ASPSCR1: variants seen among roughly 807,000 people sequenced by gnomAD.
The protein encoded by ASPSCR1 is tether containing UBX domain for GLUT4.
ASPSCR1 carries 55 observed loss-of-function variants against 68.9 expected under a neutral mutation model. The observed-to-expected ratio is 0.80, with a 90% CI of 0.64 to 1.00. The LOEUF is 1.00. ASPSCR1 is among the 50% of genes least tolerant of loss of function. ASPSCR1 has a pLI of 0.00. For missense variants in ASPSCR1, 765 were observed against 762.2 expected (o/e 1.00, Z -0.04); for synonymous variants, 352 against 332.6 (o/e 1.06, Z -0.63).
At chr17:82,010,735 G>A in intron 9 of ASPSCR1, 67 bp from the exon 10 acceptor site, 2 of 1,532,160 alleles carry the variant, frequency 1.3e-6, no homozygotes, top group East Asian at 2.3e-5. Flanking sequence ...GCCGAGTGGG[G>A]AGGCCACGCC....
At chr17:82,010,108 G>A in intron 9 of ASPSCR1, 1 of 304,892 alleles carries the variant, frequency 3.3e-6, no homozygotes, top group South Asian at 2.3e-5. Flanking sequence ...TTTTACTAGA[G>A]ATGGAGTTTT....
intron 12 of ASPSCR1, chr17:82,015,297 C>T (rs2043085255): frequency 6.3e-7 from 1 of 1,598,104 alleles, no homozygotes; most frequent in Admixed American, 1.7e-5. Context: ...ATCCCCTCGT[C>T]CGAGCAGTGG....
rs1282271833 is a variant in ASPSCR1, at chr17:81,996,400, T to C, written c.507-20T>C. 3.8e-6 allele frequency: 6 copies of C among 1,562,810 alleles called. No individual in the cohort carries two copies. Among genetic ancestry groups the C allele is most frequent in the Non-Finnish European group, 5.2e-6 (6 of 1,150,408 alleles). On this transcript the variant is annotated intron_variant, in intron 6 of 15. Transcript: ENST00000306739. ...GGTAGGCACCACAAGGTGCTTCCCT[T>C]GTCCTCTGGCCCCACTCAGGTTTGT...
chr17:81,996,155 G>A, intron 6 of ASPSCR1, 90 bp downstream of exon 6: 1 of 1,418,610 alleles, frequency 7.0e-7, no homozygotes, highest in Admixed American at 2.5e-5. Context: ...GTGGCAAGTG[G>A]GGAGTAGGTG....
chr17:82,007,399 C>G (rs374410137), intron 7 of ASPSCR1: 1 of 152,278 alleles, frequency 6.6e-6, no homozygotes, highest in Non-Finnish European at 1.5e-5. Flanking sequence ...CCCCTAGCAG[C>G]GTGATGCTGA....
At chr17:81,985,002 A>AC (rs1392867164) in intron 3 of ASPSCR1, among the ~76,000 whole-genome samples, 3 of 52,918 alleles carry the variant, frequency 5.7e-5, no homozygotes, top group Admixed American at 2.4e-4. Context: ...ACACCCCCCC[A>AC]CACACCTGCA....
chr17:82,011,878 C>A (rs1182046990), intron 11 of ASPSCR1, among the ~76,000 whole-genome samples: 1 of 152,118 alleles, frequency 6.6e-6, no homozygotes, highest in Non-Finnish European at 1.5e-5. Context: ...AGCCTGGTCC[C>A]CACCCCTGGG....
intron 12 of ASPSCR1, chr17:82,015,519 G>A (rs759985029): frequency 3.5e-4 from 332 of 936,146 alleles, no homozygotes; most frequent in Non-Finnish European, 4.0e-4. Flanking sequence ...GTCCTGGCCT[G>A]TGGGGGCTAT....
rs2041864286 is a variant in ASPSCR1 at position 81,983,502 on chromosome 17, A to ATGGCG, written c.159-52_159-51insTGGCG. Reference sequence around the variant, plus strand: ...ACGGGGATGGCGGGGCGTGGATGGCAGGGCGTGTCAGGCTCTGCAGGGCAG... The same window carrying ATGGCG: ...ACGGGGATGGCGGGGCGTGGATGGCATGGCGGGGCGTGTCAGGCTCTGCAGGGCAG... On this transcript the variant is annotated intron_variant, in intron 2 of 15. Coordinates refer to ENST00000306739, the MANE Select transcript of ASPSCR1 (RefSeq NM_024083.4). The surrounding 1 kb of genome is among the most constrained non-coding windows in gnomAD (Gnocchi z 4.4). 13 of 1,299,014 alleles carry ATGGCG rather than the reference A, an allele frequency of 1.0e-5. No homozygotes were observed. The highest frequency in any genetic ancestry group is 2.0e-4 in the Middle Eastern group (1 of 5,114). 80.5% of individuals were successfully genotyped at this position (1,299,014 alleles called of 1,614,324 possible). A position where few individuals can be genotyped will look rare whatever the true frequency, so the allele number is the denominator to read the frequency against.
Position 81,985,545 on chromosome 17 carries a change from GCAGGACTCTTTCTGTT to G in ASPSCR1, c.317_332del (p.Asp106AlafsTer35), listed in dbSNP as rs753768899. On this transcript the variant is annotated frameshift_variant, in exon 4 of 16. Transcript: ENST00000306739. LOFTEE classifies it high-confidence loss of function. ...TGCAGCTGGACGATGGCTCGAGGTT[GCAGGACTCTTTCTGTT>G]CAGGCCAGACCCTCTGGGAGCTTCT... The G allele has an allele frequency of 1.2e-6, 2 of 1,614,086 alleles. No homozygotes were observed. The highest frequency in any genetic ancestry group is 1.7e-5 in the Admixed American group (1 of 60,034).
rs1180398613 is a variant in ASPSCR1, at chr17:81,983,771, A to G, written c.273+103A>G. 3 of 1,002,688 alleles carry G rather than the reference A, an allele frequency of 3.0e-6. No homozygotes were observed. Among genetic ancestry groups the G allele is most frequent in the African/African-American group, 1.6e-5 (1 of 62,532 alleles). 62.1% of individuals were successfully genotyped at this position (1,002,688 alleles called of 1,614,324 possible). A position where few individuals can be genotyped will look rare whatever the true frequency, so the allele number is the denominator to read the frequency against. On this transcript the variant is annotated intron_variant, in intron 3 of 15. Coordinates refer to ENST00000306739, the MANE Select transcript of ASPSCR1 (RefSeq NM_024083.4). The surrounding 1 kb of genome is among the most constrained non-coding windows in gnomAD (Gnocchi z 4.4). ...TGGGGGGTGCTGGGGAAGGAGGGAC[A>G]TGAGTCTTAGCACCAGTTCTGCCTT...
intron 9 of ASPSCR1, among the ~76,000 whole-genome samples, 174 bp from the exon 10 acceptor site, chr17:82,010,627 TC>T (rs754239673): frequency 5.3e-5 from 8 of 151,616 alleles, no homozygotes; most frequent in Non-Finnish European, 8.8e-5. Context: ...CTTGGCTGTC[TC>T]CATGCCCAGC....
Position 81,977,679 on chromosome 17 carries a change from G to A in ASPSCR1, c.33G>A (p.Ala11=). MAAPAGGGGS[A]VSVLAPNGRR... ...CCCCGGCAGGCGGCGGAGGCTCCGC[G>A]GTGTCGGTGCTGGCCCCGAACGGCC... The change falls in exon 1 of 16, where the codon GCG becomes GCA. Residue 11 remains alanine, a synonymous_variant. Transcript: ENST00000306739. The surrounding 1 kb of genome is among the most constrained non-coding windows in gnomAD (Gnocchi z 5.0). 7.1e-7 allele frequency: 1 copy of A among 1,398,712 alleles called. No homozygotes were observed. The highest frequency in any genetic ancestry group is 9.3e-7 in the Non-Finnish European group (1 of 1,071,790). The allele number at this position is 1,398,712 out of a possible 1,614,324, so 86.6% of individuals were successfully genotyped here.
chr17:81,981,167 G>A (rs188512761), intron 2 of ASPSCR1, among the ~76,000 whole-genome samples: 243 of 152,254 alleles, frequency 1.6e-3, no homozygotes, highest in African/African-American at 5.5e-3. Context: ...AGGGCCTGGC[G>A]GGAGGTTGGC....
chr17:81,992,089 G>C (rs751219769), intron 4 of ASPSCR1, among the ~76,000 whole-genome samples: 35 of 152,358 alleles, frequency 2.3e-4, no homozygotes, highest in Non-Finnish European at 3.5e-4. Flanking sequence ...CCAGTACCCT[G>C]CTGCGAGCAG....
At position 82,007,375 on chromosome 17, in the gene ASPSCR1, A is replaced by G. The variant is rs539136540; in HGVS notation, c.934-1662A>G. ...AGATTTTTTCAGTTTTGTTTTCCAA[A>G]TGAAGTCAACAGCCCCCTAGCAGCG... On this transcript the variant is annotated intron_variant, in intron 7 of 15. Transcript: ENST00000306739. 3.9e-5 allele frequency: 6 copies of G among 152,400 alleles called. No homozygotes were observed. In the East Asian group the frequency reaches 7.7e-4, roughly 20 times the overall value. 9.4% of individuals were successfully genotyped at this position (152,400 alleles called of 1,614,324 possible).
At chr17:82,016,631 T>A in intron 13 of ASPSCR1, 104 bp downstream of exon 13, 1 of 1,491,770 alleles carries the variant, frequency 6.7e-7, no homozygotes, top group African/African-American at 1.4e-5. Context: ...CTCCTTTGGG[T>A]CTGAGAGGGA....
Position 81,989,486 on chromosome 17 carries a change from C to T in ASPSCR1, c.374+3879C>T, listed in dbSNP as rs372073944. 3.3e-5 allele frequency among the ~76,000 whole-genome samples: 5 copies of T among 152,250 alleles called. No homozygotes were observed. In the South Asian group the frequency reaches 8.3e-4, roughly 25 times the overall value. ...CCAGGTGTCCGCAGAGTGGGACGGGCGGGAAGCTGATGTTTCTTCTTTCAT... is the reference window on the plus strand; with the variant it reads ...CCAGGTGTCCGCAGAGTGGGACGGGTGGGAAGCTGATGTTTCTTCTTTCAT... On this transcript the variant is annotated intron_variant, in intron 4 of 15. Coordinates refer to ENST00000306739, the MANE Select transcript of ASPSCR1 (RefSeq NM_024083.4).
intron 12 of ASPSCR1, chr17:82,015,289 C>T (rs753060617): frequency 5.0e-6 from 8 of 1,598,108 alleles, no homozygotes; most frequent in Non-Finnish European, 6.8e-6. Context: ...TCTCCACCAT[C>T]CCCTCGTCCG....
Sources: gnomAD v4.1 joint callset for allele counts (sites outside exome capture counted in the v4.1 genomes callset) on GRCh38, gnomAD v4.1.1 for gene constraint, Gnocchi (gnomAD v3.1) non-coding constraint, MANE v1.5 for transcripts, NCBI Gene and HGNC (gene_info 2026-07-23, HGNC 2026-07-21) for gene names.